Variants in EYS observed in about 807,000 individuals in gnomAD.
EYS encodes EGF-like photoreceptor maintenance factor, also known as protein eyes shut homolog.
EYS carries 250 observed loss-of-function variants against 282.1 expected under a neutral mutation model. That is an observed-to-expected ratio of 0.89 (90% CI 0.80 to 0.98). EYS has a LOEUF of 0.98. EYS is among the 50% of genes least tolerant of loss of function. The probability of loss-of-function intolerance (pLI) is 0.00; values close to 1 mark genes in which losing one functional copy is unlikely to be tolerated. For missense variants in EYS, 4,016 were observed against 3,709.0 expected, an observed-to-expected ratio of 1.08 and a Z score of -2.15; for synonymous variants, 1,355 against 1,282.9, an observed-to-expected ratio of 1.06 and a Z score of -1.20.
intron 33 of EYS, among the ~76,000 whole-genome samples, chr6:64,062,055 G>A (rs1480463827): frequency 5.3e-5 from 8 of 152,028 alleles, no homozygotes; most frequent in East Asian, 1.9e-4. Flanking sequence ...ACATTCATAT[G>A]ATGAAAAAGG....
intron 12 of EYS, among the ~76,000 whole-genome samples, chr6:65,104,490 G>A (rs1474717328): frequency 6.6e-6 from 1 of 151,298 alleles, no homozygotes; most frequent in South Asian, 2.1e-4. Flanking sequence ...CATCCTAAAT[G>A]CAGATGTTGA....
At chr6:64,876,728 G>A (rs1309507581) in intron 19 of EYS, among the ~76,000 whole-genome samples, 3 of 152,062 alleles carry the variant, frequency 2.0e-5, no homozygotes, top group African/African-American at 4.8e-5. Flanking sequence ...TCTATACAAA[G>A]CCTGATAAAA....
At chr6:65,605,838 TTGTA>T (rs1407921749) in intron 2 of EYS, among the ~76,000 whole-genome samples, 11 of 151,772 alleles carry the variant, frequency 7.2e-5, no homozygotes, top group African/African-American at 2.7e-4. Flanking sequence ...TTATATATGA[TTGTA>T]TGCATAAAAG....
intron 35 of EYS, among the ~76,000 whole-genome samples, chr6:63,870,080 C>T (rs1772764382): frequency 6.6e-6 from 1 of 152,126 alleles, no homozygotes; most frequent in Non-Finnish European, 1.5e-5. Flanking sequence ...TCTGTAAATG[C>T]AGTGCTTATG....
intron 41 of EYS, 135 bp from the exon 42 acceptor site, chr6:63,726,815 C>T: frequency 1.4e-6 from 1 of 734,130 alleles, no homozygotes; most frequent in Non-Finnish European, 2.2e-6. Context: ...TAGGTGAGTA[C>T]ATCAAACCTT....
At chr6:63,773,774 T>C (rs879473166) in intron 40 of EYS, among the ~76,000 whole-genome samples, 23 of 152,254 alleles carry the variant, frequency 1.5e-4, no homozygotes, top group Non-Finnish European at 3.1e-4. Flanking sequence ...ACAAAATATA[T>C]AAAAGAAGAC....
At chr6:63,878,311 T>C (rs1176529796) in intron 35 of EYS, among the ~76,000 whole-genome samples, 1 of 152,192 alleles carries the variant, frequency 6.6e-6, no homozygotes, top group African/African-American at 2.4e-5. Context: ...GAACGGCAGA[T>C]GTTGCTGCCT....
chr6:65,621,264 C>T (rs569020696), intron 2 of EYS, among the ~76,000 whole-genome samples: 7 of 152,254 alleles, frequency 4.6e-5, no homozygotes, highest in African/African-American at 1.2e-4. Context: ...ATATTTAGGA[C>T]AGTTAGCTCT....
At chr6:65,086,607 C>A (rs1774383716) in intron 12 of EYS, among the ~76,000 whole-genome samples, 1 of 152,172 alleles carries the variant, frequency 6.6e-6, no homozygotes, top group South Asian at 2.1e-4. Context: ...AAGAAAACAT[C>A]ATTTATATAG....
intron 12 of EYS, among the ~76,000 whole-genome samples, chr6:65,217,423 T>C (rs973736466): frequency 1.3e-5 from 2 of 152,018 alleles, no homozygotes; most frequent in African/African-American, 4.8e-5. Context: ...TATAATAAGG[T>C]ATTAAACAAT....
chr6:64,235,136 T>C (rs1303614740), intron 30 of EYS, among the ~76,000 whole-genome samples: 2 of 151,884 alleles, frequency 1.3e-5, no homozygotes, highest in African/African-American at 4.8e-5. Flanking sequence ...ATGTGCACAA[T>C]GTGTAGGTTA....
At chr6:64,917,458 T>A (rs16896034) in intron 15 of EYS, among the ~76,000 whole-genome samples, 4,847 of 152,222 alleles carry the variant, frequency 0.032, 136 homozygotes, top group East Asian at 0.13. Context: ...CAAACCTAAG[T>A]GTATATGCAG....
At chr6:64,436,335 G>T (rs1238371938) in intron 27 of EYS, 70 bp from the exon 28 acceptor site, 6 of 759,006 alleles carry the variant, frequency 7.9e-6, no homozygotes, top group South Asian at 1.8e-5. Flanking sequence ...ATTTGCACTG[G>T]ACTTTATTAT....
At chr6:64,008,518 T>A (rs1312644062) in intron 33 of EYS, among the ~76,000 whole-genome samples, 5 of 152,222 alleles carry the variant, frequency 3.3e-5, no homozygotes, top group Non-Finnish European at 5.9e-5. Flanking sequence ...TGTTGTTAGT[T>A]GATTATCATG....
At chr6:64,063,278 T>C (rs1007327787) in intron 33 of EYS, among the ~76,000 whole-genome samples, 1 of 152,180 alleles carries the variant, frequency 6.6e-6, no homozygotes, top group Non-Finnish European at 1.5e-5. Context: ...AAAATTCCAC[T>C]TTGTATTTCA....
At chr6:64,494,787 C>A (rs1582819505) in intron 26 of EYS, among the ~76,000 whole-genome samples, 1 of 151,752 alleles carries the variant, frequency 6.6e-6, no homozygotes. Flanking sequence ...GCCCATTTTC[C>A]AGTCTATGAA....
chr6:65,271,771 A>C (rs780698588), intron 12 of EYS, among the ~76,000 whole-genome samples: 5 of 151,810 alleles, frequency 3.3e-5, no homozygotes, highest in Non-Finnish European at 7.4e-5. Context: ...TTTAGTAGAG[A>C]CTGCATTTCA....
chr6:64,783,731 C>G (rs1302226465), intron 22 of EYS, among the ~76,000 whole-genome samples: 4 of 152,046 alleles, frequency 2.6e-5, no homozygotes, highest in Non-Finnish European at 4.4e-5. Flanking sequence ...TTAGCCAAAG[C>G]TTTTATCTTT....
At chr6:63,733,071 A>C (rs1190567426) in intron 41 of EYS, among the ~76,000 whole-genome samples, 1 of 152,154 alleles carries the variant, frequency 6.6e-6, no homozygotes, top group East Asian at 1.9e-4. Flanking sequence ...TAGAGGGAAT[A>C]ATGAACCCTG....
Sources: allele counts gnomAD v4.1 joint callset (sites outside exome capture counted in the v4.1 genomes callset), GRCh38; gene constraint gnomAD v4.1.1; transcripts MANE v1.5; gene names NCBI Gene and HGNC (gene_info 2026-07-23, HGNC 2026-07-21).